Variants in LRRC7 observed in about 807,000 individuals in gnomAD.
LRRC7 encodes the protein leucine rich repeat containing 7.
A neutral mutation model predicts 175.7 loss-of-function variants in LRRC7; 23 were observed. The observed-to-expected ratio is 0.13, with a 90% confidence interval of 0.09 to 0.19. The LOEUF (loss-of-function observed/expected upper bound fraction) is 0.19. Ranked by LOEUF, LRRC7 falls within the 10% of genes least tolerant of loss-of-function variation. The pLI, the probability that LRRC7 is intolerant of heterozygous loss-of-function variation, is 1.00. For synonymous variants in LRRC7, 685 were observed against 680.9 expected (o/e 1.01, Z -0.09); for missense variants, 1,354 against 1,904.7 (o/e 0.71, Z 5.38).
At chr1:69,890,063 A>G (rs1645787303) in intron 7 of LRRC7, among the ~76,000 whole-genome samples, 1 of 152,152 alleles carries the variant, frequency 6.6e-6, no homozygotes, top group Non-Finnish European at 1.5e-5. Flanking sequence ...TTTCTTCCAA[A>G]CTTATGTTAA....
chr1:70,107,917 G>A, intron 26 of LRRC7, 91 bp downstream of exon 26: 1 of 1,156,072 alleles, frequency 8.6e-7, no homozygotes, highest in Non-Finnish European at 1.3e-6. Context: ...TTAAATGATT[G>A]AAAATAAGTC....
chr1:70,126,823 C>T lies in LRRC7; in HGVS notation c.*4936C>T, dbSNP rs1284463794. Among the ~76,000 whole-genome samples the T allele has an allele frequency of 6.6e-6, 1 of 152,166 alleles. No homozygotes were observed. The highest frequency in any genetic ancestry group is 2.4e-5 in the African/African-American group (1 of 41,452). On this transcript the variant is annotated 3_prime_UTR_variant, in exon 27 of 27. Coordinates refer to ENST00000651989, the MANE Select transcript of LRRC7 (RefSeq NM_001370785.2). Reference sequence around the variant, plus strand: ...ATGCAATCAAGTTTTCCAGTCATATCCTGAACCTTCTGGGGGCATTTCTGT... The same window carrying T: ...ATGCAATCAAGTTTTCCAGTCATATTCTGAACCTTCTGGGGGCATTTCTGT...
intron 1 of LRRC7, among the ~76,000 whole-genome samples, chr1:69,599,217 G>A (rs532351501): frequency 2.1e-4 from 32 of 152,092 alleles, no homozygotes; most frequent in Admixed American, 3.3e-4. Flanking sequence ...TGGAGTTTAC[G>A]CCCATTTCTT....
intron 8 of LRRC7, among the ~76,000 whole-genome samples, chr1:69,936,369 C>A (rs1348051453): frequency 2.0e-5 from 3 of 152,086 alleles, no homozygotes; most frequent in African/African-American, 7.2e-5. Context: ...TCATATCAAA[C>A]CTTTTTAGGC....
At chr1:69,664,580 T>C (rs1657998688) in intron 1 of LRRC7, among the ~76,000 whole-genome samples, 1 of 152,210 alleles carries the variant, frequency 6.6e-6, no homozygotes, top group South Asian at 2.1e-4. Flanking sequence ...ACATTTCATA[T>C]AATTATTTGC....
intron 21 of LRRC7, among the ~76,000 whole-genome samples, chr1:70,041,509 C>G (rs1659891195): frequency 6.6e-6 from 1 of 152,204 alleles, no homozygotes; most frequent in Non-Finnish European, 1.5e-5. Context: ...CCATGCCTTA[C>G]CTCAAGTATA....
intron 1 of LRRC7, among the ~76,000 whole-genome samples, chr1:69,604,034 T>A (rs1647201360): frequency 1.3e-5 from 2 of 152,240 alleles, no homozygotes; most frequent in East Asian, 1.9e-4. Flanking sequence ...TTTATAAAAT[T>A]GCTTTTTTTT....
At chr1:69,809,095 A>C (rs1339527805) in intron 4 of LRRC7, among the ~76,000 whole-genome samples, 1 of 152,168 alleles carries the variant, frequency 6.6e-6, no homozygotes, top group African/African-American at 2.4e-5. Flanking sequence ...AGGGGGTATC[A>C]CCACTGACCC....
chr1:69,694,828 C>A (rs1662360679), intron 2 of LRRC7, among the ~76,000 whole-genome samples: 1 of 152,054 alleles, frequency 6.6e-6, no homozygotes, highest in African/African-American at 2.4e-5. Flanking sequence ...TCTTGAGGCC[C>A]TCACTAGAAG....
intron 1 of LRRC7, among the ~76,000 whole-genome samples, chr1:69,593,620 C>T (rs1646724988): frequency 6.6e-6 from 1 of 152,080 alleles, no homozygotes; most frequent in African/African-American, 2.4e-5. Context: ...CAAATTGCAA[C>T]AATAAGGAAA....
At chr1:69,809,724 G>A (rs1220379083) in intron 4 of LRRC7, among the ~76,000 whole-genome samples, 1 of 152,054 alleles carries the variant, frequency 6.6e-6, no homozygotes, top group East Asian at 1.9e-4. Context: ...AAATTCAACA[G>A]CCTTTCATGC....
At chr1:69,945,742 A>AT (rs1489133007) in intron 8 of LRRC7, among the ~76,000 whole-genome samples, 1 of 151,956 alleles carries the variant, frequency 6.6e-6, no homozygotes, top group Non-Finnish European at 1.5e-5. Flanking sequence ...ATCCCTAAGT[A>AT]TTTTTTATGC....
chr1:69,907,525 G>C lies in LRRC7; in HGVS notation c.648-23982G>C, dbSNP rs1646360369. Among the ~76,000 whole-genome samples, 3 of 152,114 alleles carry C rather than the reference G, an allele frequency of 2.0e-5. No homozygotes were observed. In the South Asian group the frequency reaches 6.2e-4, roughly 31 times the overall value. On this transcript the variant is annotated intron_variant, in intron 7 of 26. Coordinates refer to ENST00000651989, the MANE Select transcript of LRRC7 (RefSeq NM_001370785.2). ...CTGCATCTGTTGAGATAATCACGTG[G>C]TTTTTGTCTTTGGTTCTGTTTATAT... is the stretch of plus-strand genomic sequence containing the variant.
At chr1:69,777,733 T>C (rs1245501426) in intron 3 of LRRC7, among the ~76,000 whole-genome samples, 1 of 152,174 alleles carries the variant, frequency 6.6e-6, no homozygotes, top group Non-Finnish European at 1.5e-5. Context: ...GTTACCTAAA[T>C]ATGCCTTAAA....
At chr1:69,716,517 A>G (rs199796876) in intron 2 of LRRC7, among the ~76,000 whole-genome samples, 1 of 151,878 alleles carries the variant, frequency 6.6e-6, no homozygotes, top group East Asian at 1.9e-4. Context: ...TTCCTTCATA[A>G]AAAGAGTAAA....
chr1:69,726,068 C>T (rs987012), intron 2 of LRRC7, among the ~76,000 whole-genome samples: 4,002 of 152,246 alleles, frequency 0.026, 179 homozygotes, highest in African/African-American at 0.091. Context: ...GTAAAATTCA[C>T]ATTTATCAAG....
chr1:70,085,744 T>C (rs1054360853), intron 24 of LRRC7, among the ~76,000 whole-genome samples: 1 of 152,190 alleles, frequency 6.6e-6, no homozygotes, highest in Non-Finnish European at 1.5e-5. Flanking sequence ...AATTACTCTC[T>C]ACTACCTTTC....
chr1:69,571,617 A>G (rs1310788455), intron 1 of LRRC7, among the ~76,000 whole-genome samples: 1 of 152,180 alleles, frequency 6.6e-6, no homozygotes, highest in Non-Finnish European at 1.5e-5. Context: ...GTTAATCACA[A>G]CTTTAAAACA....
At position 70,128,457 on chromosome 1, in the gene LRRC7, C is replaced by T. The variant is rs1197957980; in HGVS notation, c.*6570C>T. 2 of 152,052 alleles carry T rather than the reference C, an allele frequency of 1.3e-5. No individual in the cohort carries two copies. The highest frequency in any genetic ancestry group is 2.9e-5 in the Non-Finnish European group (2 of 68,016). 9.4% of individuals were successfully genotyped at this position (152,052 alleles called of 1,614,324 possible). A position where few individuals can be genotyped will look rare whatever the true frequency, so the allele number is the denominator to read the frequency against. On this transcript the variant is annotated 3_prime_UTR_variant, in exon 27 of 27. Coordinates refer to ENST00000651989, the MANE Select transcript of LRRC7 (RefSeq NM_001370785.2). Reference sequence around the variant, plus strand: ...TTGAATAAGCAGCCTAACAAATAGCCAAGTATCTTTACATCCAGAGTAAAG... The same window carrying T: ...TTGAATAAGCAGCCTAACAAATAGCTAAGTATCTTTACATCCAGAGTAAAG...
Sources: gnomAD v4.1 joint callset for allele counts (sites outside exome capture counted in the v4.1 genomes callset) on GRCh38, gnomAD v4.1.1 for gene constraint, MANE v1.5 for transcripts, NCBI Gene and HGNC (gene_info 2026-07-23, HGNC 2026-07-21) for gene names.